RFX4: variants seen among roughly 807,000 people sequenced by gnomAD.
RFX4 encodes the protein transcription factor RFX4.
RFX4 carries 10 observed loss-of-function variants against 95.0 expected under a neutral mutation model. The observed-to-expected ratio is 0.11, with a 90% CI of 0.06 to 0.18. The LOEUF is 0.18. Among genes scored for constraint, RFX4 ranks in the 10% least tolerant of loss-of-function variants. The probability of loss-of-function intolerance (pLI) is 1.00; values close to 1 mark genes in which losing one functional copy is unlikely to be tolerated. For synonymous variants in RFX4, 321 were observed against 340.7 expected (o/e 0.94, Z 0.64); for missense variants, 640 against 922.0 (o/e 0.69, Z 3.96).
rs767773818 is a variant in RFX4, at chr12:106,748,956, G to T, written c.1796+1357G>T. On this transcript the variant is annotated intron_variant, in intron 16 of 17. Transcript: ENST00000392842. ...AAAAATTAGCTAGACGTAGTGGCAC[G>T]CGCCTGTAGTCCCAGCTACTCGTGA... Among the ~76,000 whole-genome samples the T allele has an allele frequency of 7.9e-5, 12 of 152,148 alleles. No homozygotes were observed. In the East Asian group the frequency reaches 2.3e-3, roughly 29 times the overall value.
chr12:106,593,824 T>C (rs1368790554), intron 1 of RFX4, among the ~76,000 whole-genome samples: 1 of 152,244 alleles, frequency 6.6e-6, no homozygotes, highest in Non-Finnish European at 1.5e-5. Context: ...TAAATGCTCA[T>C]GAATAAGTCA....
chr12:106,672,816 G>T (rs759505606), intron 4 of RFX4, among the ~76,000 whole-genome samples: 2 of 150,714 alleles, frequency 1.3e-5, no homozygotes, highest in African/African-American at 4.9e-5. Context: ...TGTTGCAGCT[G>T]CAAGGAGGAG....
intron 2 of RFX4, among the ~76,000 whole-genome samples, chr12:106,622,226 T>A (rs11113061): frequency 0.15 from 22,883 of 151,866 alleles, 1,740 homozygotes; most frequent in South Asian, 0.18. Flanking sequence ...GATTATATTT[T>A]AAAAAAATAT....
intron 8 of RFX4, among the ~76,000 whole-genome samples, chr12:106,704,916 G>T (rs2042055380): frequency 6.6e-6 from 1 of 152,140 alleles, no homozygotes; most frequent in Admixed American, 6.5e-5. Context: ...AGCCTGAAAT[G>T]CCAAAGGAAT....
rs917201101 is a variant in RFX4 at position 106,762,300 on chromosome 12, A to C, written c.*831A>C. 2 of 152,562 alleles carry C rather than the reference A, an allele frequency of 1.3e-5. No homozygotes were observed. Among genetic ancestry groups the C allele is most frequent in the Non-Finnish European group, 2.9e-5 (2 of 68,026 alleles). 9.5% of individuals were successfully genotyped at this position (152,562 alleles called of 1,614,324 possible). On this transcript the variant is annotated 3_prime_UTR_variant, in exon 18 of 18. Transcript: ENST00000392842. ...ATTTATGGCATTGAGTATCACACTC[A>C]GCTCTGCTGTGTTAACTTTGTGAAA...
intron 15 of RFX4, 154 bp downstream of exon 15, chr12:106,733,239 G>A: frequency 1.3e-6 from 1 of 749,906 alleles, no homozygotes; most frequent in Non-Finnish European, 2.2e-6. Context: ...GGGAGGCTGA[G>A]GTGGGAGAAT....
intron 1 of RFX4, among the ~76,000 whole-genome samples, chr12:106,584,589 A>G (rs1324071073): frequency 6.6e-6 from 1 of 152,100 alleles, no homozygotes; most frequent in Non-Finnish European, 1.5e-5. Context: ...ATGTCTCCCC[A>G]ACTCCACCCC....
chr12:106,747,660 C>G (rs1453836031), intron 16 of RFX4, 61 bp downstream of exon 16: 12 of 1,565,366 alleles, frequency 7.7e-6, no homozygotes, highest in Non-Finnish European at 9.6e-6. Flanking sequence ...AGGCTGGGCA[C>G]AGCAGCTCAC....
chr12:106,584,299 G>A (rs1023953732), intron 1 of RFX4, among the ~76,000 whole-genome samples: 2 of 152,112 alleles, frequency 1.3e-5, no homozygotes, highest in Non-Finnish European at 2.9e-5. Context: ...CTTGCAGGTG[G>A]AAGTTCTCTT....
intron 10 of RFX4, among the ~76,000 whole-genome samples, chr12:106,714,068 CAA>C (rs58283896): frequency 6.6e-5 from 2 of 30,526 alleles, no homozygotes; most frequent in Non-Finnish European, 1.2e-4. Flanking sequence ...AACTCCATCT[CAA>C]AAAAAAAAAA....
chr12:106,682,267 C>T, intron 5 of RFX4: 1 of 570,824 alleles, frequency 1.8e-6, no homozygotes, highest in Non-Finnish European at 3.1e-6. Context: ...GTTGGCTCTG[C>T]TGCTTTAAGG....
chr12:106,594,763 C>T (rs1319061066), intron 1 of RFX4, among the ~76,000 whole-genome samples: 1 of 150,680 alleles, frequency 6.6e-6, no homozygotes, highest in Non-Finnish European at 1.5e-5. Context: ...CCATGGATCC[C>T]GTGTTCTGCT....
intron 3 of RFX4, among the ~76,000 whole-genome samples, chr12:106,642,299 C>T (rs566521656): frequency 6.6e-6 from 1 of 151,054 alleles, no homozygotes; most frequent in South Asian, 2.1e-4. Context: ...TGTGAGCCAC[C>T]GTGCCCGTAT....
intron 8 of RFX4, 42 bp from the exon 9 acceptor site, chr12:106,709,288 G>A: frequency 2.6e-6 from 4 of 1,526,756 alleles, no homozygotes; most frequent in Non-Finnish European, 3.6e-6. Context: ...GAGGAGCTAA[G>A]CAACATGTGC....
chr12:106,632,893 G>A (rs918405934), intron 2 of RFX4, among the ~76,000 whole-genome samples: 4 of 152,218 alleles, frequency 2.6e-5, no homozygotes, highest in Non-Finnish European at 1.5e-5. Context: ...GCATGCCACC[G>A]TATCTGGCTT....
At chr12:106,747,927 TAAAAAA>T (rs10624179) in intron 16 of RFX4, among the ~76,000 whole-genome samples, 2 of 126,382 alleles carry the variant, frequency 1.6e-5, no homozygotes, top group South Asian at 2.6e-4. Context: ...GACGCCGTCT[TAAAAAA>T]AAAAAAAAAA....
chr12:106,747,323 G>T (rs1351678720), intron 15 of RFX4, 114 bp from the exon 16 acceptor site: 8 of 1,133,244 alleles, frequency 7.1e-6, no homozygotes, highest in Admixed American at 2.0e-5. Flanking sequence ...AGAGATACAT[G>T]TCTTATAAAG....
At chr12:106,615,669 A>G (rs1226351414) in intron 2 of RFX4, among the ~76,000 whole-genome samples, 2 of 152,214 alleles carry the variant, frequency 1.3e-5, no homozygotes, top group Admixed American at 1.3e-4. Context: ...AGTGTTTTGT[A>G]GATTTCACTG....
chr12:106,649,003 C>T (rs1199726904), intron 3 of RFX4, among the ~76,000 whole-genome samples: 1 of 151,960 alleles, frequency 6.6e-6, no homozygotes, highest in Non-Finnish European at 1.5e-5. Context: ...AGACTGAGCT[C>T]ATTATCTCTC....
Sources: allele counts gnomAD v4.1 joint callset (sites outside exome capture counted in the v4.1 genomes callset), GRCh38; gene constraint gnomAD v4.1.1; transcripts MANE v1.5; gene names NCBI Gene and HGNC (gene_info 2026-07-23, HGNC 2026-07-21).